Variants in DENND5A observed in about 807,000 individuals in gnomAD.
DENND5A encodes DENN domain containing 5A, also known as DENN domain-containing protein 5A.
In DENND5A, 64 loss-of-function variants were observed where a neutral mutation model predicts 140.3. That is an observed-to-expected ratio of 0.46 (90% confidence interval 0.37 to 0.56). The LOEUF (loss-of-function observed/expected upper bound fraction) is 0.56. Among genes scored for constraint, DENND5A ranks in the 20% least tolerant of loss-of-function variants. The probability of loss-of-function intolerance (pLI) is 0.00; values close to 1 mark genes in which losing one functional copy is unlikely to be tolerated. For synonymous variants in DENND5A, 605 were observed against 607.7 expected, an observed-to-expected ratio of 1.00 and a Z score of 0.07; for missense variants, 1,292 against 1,593.8, an observed-to-expected ratio of 0.81 and a Z score of 3.22.
At chr11:9,165,500 T>TA (rs1475057032) in intron 11 of DENND5A, among the ~76,000 whole-genome samples, 1 of 152,064 alleles carries the variant, frequency 6.6e-6, no homozygotes, top group African/African-American at 2.4e-5. Flanking sequence ...AGTGCAGTGG[T>TA]GCCATCATAG....
At position 9,139,593 on chromosome 11, in the gene DENND5A, C is replaced by T. The variant is rs1847167323; in HGVS notation, c.*78G>A. On this transcript the variant is annotated 3_prime_UTR_variant, in exon 23 of 23. Coordinates refer to ENST00000328194, the MANE Select transcript of DENND5A (RefSeq NM_015213.4). The stretch of plus-strand genomic sequence containing the variant: ...TTTGTCTCCTACTCCTGCACAATCG[C>T]TTAAGTCCCTTTGGGAAAAAAGGTC... The T allele has an allele frequency of 2.1e-6, 3 of 1,417,496 alleles. No individual in the cohort carries two copies. In the South Asian group the frequency reaches 3.9e-5, roughly 19 times the overall value. The allele number at this position is 1,417,496 out of a possible 1,614,324, so 87.8% of individuals were successfully genotyped here. A position where few individuals can be genotyped will look rare whatever the true frequency, so the allele number is the denominator to read the frequency against.
At chr11:9,188,776 C>G (rs1399157162) in intron 5 of DENND5A, among the ~76,000 whole-genome samples, 1 of 152,132 alleles carries the variant, frequency 6.6e-6, no homozygotes, top group East Asian at 1.9e-4. Flanking sequence ...GCAAAGCATT[C>G]AAGAGGTCTC....
At chr11:9,261,916 C>T (rs1396780950) in intron 1 of DENND5A, among the ~76,000 whole-genome samples, 5 of 152,078 alleles carry the variant, frequency 3.3e-5, no homozygotes, top group Middle Eastern at 6.8e-3. Context: ...AATGTGGTCT[C>T]GGCATTCCAC....
At chr11:9,164,056 G>GTTTTGT (rs1848088424) in intron 11 of DENND5A, among the ~76,000 whole-genome samples, 1 of 57,958 alleles carries the variant, frequency 1.7e-5, no homozygotes, top group South Asian at 7.1e-4. Flanking sequence ...TATTAATCAG[G>GTTTTGT]TTTTTTTTTT....
intron 1 of DENND5A, among the ~76,000 whole-genome samples, chr11:9,228,021 G>A (rs1850602814): frequency 7.1e-6 from 1 of 141,558 alleles, no homozygotes; most frequent in Non-Finnish European, 1.5e-5. Context: ...CCTGAAGCAG[G>A]AGAATCATTT....
At chr11:9,244,966 C>A (rs114152999) in intron 1 of DENND5A, among the ~76,000 whole-genome samples, 1 of 150,270 alleles carries the variant, frequency 6.7e-6, no homozygotes, top group African/African-American at 2.4e-5. Flanking sequence ...CGTGAGCCAC[C>A]GTGCTTGGCT....
At chr11:9,184,790 C>T (rs1848852554) in intron 5 of DENND5A, among the ~76,000 whole-genome samples, 2 of 152,158 alleles carry the variant, frequency 1.3e-5, no homozygotes, top group Admixed American at 6.5e-5. Context: ...ACCTTCTTAC[C>T]CACTTGCAGT....
chr11:9,219,651 G>C (rs1197205658), intron 1 of DENND5A, among the ~76,000 whole-genome samples: 1 of 152,202 alleles, frequency 6.6e-6, no homozygotes, highest in Non-Finnish European at 1.5e-5. Context: ...ATAAGGTGAG[G>C]GGACATCCCA....
At chr11:9,232,335 A>G (rs924441728) in intron 1 of DENND5A, among the ~76,000 whole-genome samples, 21 of 152,180 alleles carry the variant, frequency 1.4e-4, no homozygotes, top group African/African-American at 4.8e-4. Context: ...TATATATGAA[A>G]TGAACAAAAA....
At chr11:9,249,683 G>A (rs1486570568) in intron 1 of DENND5A, among the ~76,000 whole-genome samples, 3 of 152,030 alleles carry the variant, frequency 2.0e-5, no homozygotes, top group African/African-American at 7.2e-5. Context: ...AAGTAGCTGG[G>A]ATTACAGGCG....
chr11:9,235,096 A>C (rs1564931417), intron 1 of DENND5A, among the ~76,000 whole-genome samples: 1 of 152,136 alleles, frequency 6.6e-6, no homozygotes, highest in Non-Finnish European at 1.5e-5. Flanking sequence ...AGTTACTATA[A>C]AGTTCAGAGT....
chr11:9,257,370 G>A (rs964429660), intron 1 of DENND5A, among the ~76,000 whole-genome samples: 3 of 149,502 alleles, frequency 2.0e-5, no homozygotes, highest in African/African-American at 7.4e-5. Flanking sequence ...GGTCGAGGCT[G>A]CAGTGAGTCA....
rs1166600241 is a variant in DENND5A, at chr11:9,169,933, C to T, written c.2074G>A (p.Ala692Thr). 4 of 1,613,352 alleles carry T rather than the reference C, an allele frequency of 2.5e-6. No individual in the cohort carries two copies. Among genetic ancestry groups the T allele is most frequent in the South Asian group, 1.1e-5 (1 of 91,060 alleles). The change falls in exon 10 of 23, where the codon GCC (alanine) becomes ACC (threonine). Residue 692 changes from alanine to threonine, a missense_variant. This residue lies in a region of DENND5A where 199 missense variants were observed against 189.1 expected (regional missense o/e 1.05). Coordinates refer to ENST00000328194, the MANE Select transcript of DENND5A (RefSeq NM_015213.4). Reference sequence around the variant, plus strand: ...TCTTTCCGCCTCCACTGGGCAGGGGCATTCCTTTTCGTCCACCTAACACAA... The same window carrying T: ...TCTTTCCGCCTCCACTGGGCAGGGGTATTCCTTTTCGTCCACCTAACACAA... ...PASNKWTKRN[A>T]PAQWRRKDRQ... is the part of the protein sequence containing the mutation.
intron 1 of DENND5A, among the ~76,000 whole-genome samples, chr11:9,230,679 C>T (rs778562037): frequency 6.6e-6 from 1 of 152,114 alleles, no homozygotes; most frequent in Non-Finnish European, 1.5e-5. Context: ...ATCTCAATTT[C>T]TTCATCTATA....
chr11:9,188,303 A>T (rs921571337), intron 5 of DENND5A, among the ~76,000 whole-genome samples: 8 of 152,196 alleles, frequency 5.3e-5, no homozygotes, highest in African/African-American at 1.9e-4. Context: ...TTCCCCAGCC[A>T]CGAGGAACTG....
intron 5 of DENND5A, among the ~76,000 whole-genome samples, chr11:9,183,241 C>T (rs900090933): frequency 4.6e-5 from 7 of 152,168 alleles, no homozygotes; most frequent in Admixed American, 6.5e-5. Context: ...AAGGGTGCTT[C>T]TGTTCCATTC....
At chr11:9,194,331 G>A (rs956493335) in intron 4 of DENND5A, among the ~76,000 whole-genome samples, 40 of 152,296 alleles carry the variant, frequency 2.6e-4, no homozygotes, top group African/African-American at 8.7e-4. Context: ...TTGGGAGGCC[G>A]AGGCAGGTGA....
intron 10 of DENND5A, 136 bp from the exon 11 acceptor site, chr11:9,166,103 C>T (rs544028609): frequency 4.2e-6 from 3 of 715,778 alleles, no homozygotes; most frequent in South Asian, 1.9e-5. Flanking sequence ...TTTTTTGAGA[C>T]GAATCTTGCT....
intron 8 of DENND5A, among the ~76,000 whole-genome samples, chr11:9,173,382 C>G (rs769991285): frequency 6.6e-6 from 1 of 152,190 alleles, no homozygotes; most frequent in African/African-American, 2.4e-5. Flanking sequence ...ACTTATTATT[C>G]AAATCCCTTT....
Sources: allele counts gnomAD v4.1 joint callset (sites outside exome capture counted in the v4.1 genomes callset), GRCh38; gene constraint gnomAD v4.1.1; regional missense constraint gnomAD v4.1.1; transcripts MANE v1.5; gene names NCBI Gene and HGNC (gene_info 2026-07-23, HGNC 2026-07-21).